SPATA31F3: variants seen among roughly 807,000 people sequenced by gnomAD.
The protein encoded by SPATA31F3 is protein SPATA31F3.
At chr9:34,892,653 G>A in the SPATA31F3 span, 1 of 459,928 alleles carries the variant, frequency 2.2e-6, no homozygotes, top group Non-Finnish European at 3.8e-6. Context: ...TTCAAGGGCT[G>A]CTGACCTTGG....
chr9:34,892,968 T>G, the SPATA31F3 span: 1 of 698,604 alleles, frequency 1.4e-6, no homozygotes, highest in Admixed American at 2.2e-5. Flanking sequence ...AAAGACACAC[T>G]AGATGTGGAC....
At chr9:34,894,306 A>G in the SPATA31F3 span, 51 of 395,638 alleles carry the variant, frequency 1.3e-4, no homozygotes, top group African/African-American at 9.0e-4. Context: ...AACTCTCTCA[A>G]CTAGTGAACC....
the SPATA31F3 span, chr9:34,889,108 C>T: frequency 2.5e-6 from 1 of 398,486 alleles, no homozygotes; most frequent in Admixed American, 4.4e-5. Flanking sequence ...TGCCCTGCTT[C>T]ACCTGCATGT....
At chr9:34,895,147 A>C in the SPATA31F3 span, 1 of 398,506 alleles carries the variant, frequency 2.5e-6, no homozygotes, top group Non-Finnish European at 4.4e-6. Flanking sequence ...TCTAAAATGA[A>C]ACAAAACTCA....
chr9:34,891,909 A>G, the SPATA31F3 span, among the ~76,000 whole-genome samples: 7 of 152,236 alleles, frequency 4.6e-5, no homozygotes, highest in Non-Finnish European at 7.4e-5. Flanking sequence ...CAGATATAGG[A>G]CATTGATCTG....
chr9:34,893,258 G>C, the SPATA31F3 span: 5 of 431,776 alleles, frequency 1.2e-5, no homozygotes, highest in Non-Finnish European at 1.6e-5. Context: ...GAAAATCCTG[G>C]AGCCTACACT....
chr9:34,895,348 G>A, the SPATA31F3 span, among the ~76,000 whole-genome samples: 1 of 152,156 alleles, frequency 6.6e-6, no homozygotes, highest in Admixed American at 6.5e-5. Flanking sequence ...TGAGACGGGA[G>A]GAAAAGTGGA....
the SPATA31F3 span, chr9:34,892,824 C>G: frequency 2.9e-6 from 2 of 682,074 alleles, no homozygotes; most frequent in Non-Finnish European, 5.3e-6. Context: ...GAATCTTGGA[C>G]GCTGTCTGCA....
the SPATA31F3 span, chr9:34,892,849 A>G: frequency 1.4e-6 from 1 of 697,472 alleles, no homozygotes; most frequent in Non-Finnish European, 2.6e-6. Context: ...CTGACCGGGC[A>G]GCTGACTGGG....
At chr9:34,890,258 T>A in the SPATA31F3 span, among the ~76,000 whole-genome samples, 128 of 152,336 alleles carry the variant, frequency 8.4e-4, no homozygotes, top group Non-Finnish European at 1.4e-3. Flanking sequence ...AGAGCTCCAG[T>A]GCTGTCCAGA....
chr9:34,894,915 G>A, the SPATA31F3 span: 2 of 396,544 alleles, frequency 5.0e-6, no homozygotes, highest in Non-Finnish European at 8.9e-6. Context: ...AATTGTCCCT[G>A]GGGGGTACTA....
At chr9:34,894,424 AAAG>A in the SPATA31F3 span, 1 of 398,606 alleles carries the variant, frequency 2.5e-6, no homozygotes, top group Non-Finnish European at 4.4e-6. Flanking sequence ...GGGAGACTGC[AAAG>A]AAGAAGAGAT....
the SPATA31F3 span, chr9:34,895,577 A>G: frequency 2.5e-6 from 1 of 398,556 alleles, no homozygotes; most frequent in East Asian, 3.6e-5. Flanking sequence ...GTGTTTCCCT[A>G]CCCGGCAACA....
chr9:34,890,157 A>G, the SPATA31F3 span, among the ~76,000 whole-genome samples: 1 of 152,168 alleles, frequency 6.6e-6, no homozygotes, highest in African/African-American at 2.4e-5. Flanking sequence ...CTGGAGATAT[A>G]TTTGGCAAGT....
the SPATA31F3 span, among the ~76,000 whole-genome samples, chr9:34,894,259 C>T: frequency 6.6e-6 from 1 of 152,100 alleles, no homozygotes; most frequent in African/African-American, 2.4e-5. Flanking sequence ...GTGACCCTTC[C>T]CTCCTGAGAT....
chr9:34,890,911 C>T, the SPATA31F3 span, among the ~76,000 whole-genome samples: 1 of 152,190 alleles, frequency 6.6e-6, no homozygotes, highest in Non-Finnish European at 1.5e-5. Flanking sequence ...TCTACACAAG[C>T]TTCATTGGTG....
At chr9:34,894,627 T>A in the SPATA31F3 span, 2 of 397,292 alleles carry the variant, frequency 5.0e-6, no homozygotes, top group African/African-American at 4.1e-5. Flanking sequence ...CTAAGTCACA[T>A]CTGTGTATAA....
At chr9:34,892,446 C>T in the SPATA31F3 span, among the ~76,000 whole-genome samples, 1 of 152,216 alleles carries the variant, frequency 6.6e-6, no homozygotes, top group Non-Finnish European at 1.5e-5. Flanking sequence ...GTGGTATAAG[C>T]TGCCCTGTAC....
chr9:34,894,603 C>T, the SPATA31F3 span: 1 of 397,760 alleles, frequency 2.5e-6, no homozygotes, highest in Non-Finnish European at 4.4e-6. Flanking sequence ...ACTGAAAACC[C>T]CAGAGTCAGA....
Sources: allele counts gnomAD v4.1 joint callset (sites outside exome capture counted in the v4.1 genomes callset), GRCh38; gene constraint gnomAD v4.1.1; transcripts MANE v1.5; gene names NCBI Gene and HGNC (gene_info 2026-07-23, HGNC 2026-07-21).